The following ACYP2 variants were observed in gnomAD, a reference collection of about 807,000 sequenced individuals.
ACYP2 encodes the protein acylphosphatase-2.
A neutral mutation model predicts 11.2 loss-of-function variants in ACYP2; 12 were observed. The ratio of observed to expected loss-of-function variants is 1.08; its 90% CI spans 0.69 to 1.74. The LOEUF (loss-of-function observed/expected upper bound fraction) is 1.74. ACYP2 is among the 40% of genes most tolerant of loss of function. The pLI is 0.00. For missense variants in ACYP2, 134 were observed against 101.9 expected (o/e 1.31, Z -1.35); for synonymous variants, 43 against 32.2 (o/e 1.33, Z -1.13).
At chr2:54,274,991 G>A (rs1688485087) in intron 6 of ACYP2, among the ~76,000 whole-genome samples, 1 of 152,184 alleles carries the variant, frequency 6.6e-6, no homozygotes, top group Non-Finnish European at 1.5e-5. Flanking sequence ...AGTTCAACCT[G>A]AGATGGTCCT....
At chr2:54,065,139 G>T (rs1217795659) in intron 4 of ACYP2, among the ~76,000 whole-genome samples, 4 of 151,890 alleles carry the variant, frequency 2.6e-5, no homozygotes, top group Non-Finnish European at 5.9e-5. Flanking sequence ...AGGGACCAAG[G>T]GATAGATGAT....
At chr2:54,223,579 G>T (rs1384555941) in intron 6 of ACYP2, among the ~76,000 whole-genome samples, 1 of 152,126 alleles carries the variant, frequency 6.6e-6, no homozygotes, top group Non-Finnish European at 1.5e-5. Context: ...CTACAACACT[G>T]TGTTGGAAAT....
chr2:54,230,988 G>A (rs1458243895), intron 6 of ACYP2, among the ~76,000 whole-genome samples: 1 of 151,084 alleles, frequency 6.6e-6, no homozygotes, highest in African/African-American at 2.4e-5. Context: ...CTGCCACCAC[G>A]CCCAGCTAAT....
intron 3 of ACYP2, chr2:54,051,301 GC>G: frequency 3.9e-6 from 3 of 768,070 alleles, no homozygotes; most frequent in Non-Finnish European, 7.1e-6. Flanking sequence ...AGAAGCAGCA[GC>G]CAGATGCTTC....
chr2:54,096,295 C>G (rs1474478909), intron 4 of ACYP2, among the ~76,000 whole-genome samples: 1 of 140,604 alleles, frequency 7.1e-6, no homozygotes, highest in Admixed American at 7.0e-5. Context: ...CAGAGACGCT[C>G]CTCACTTCCT....
At chr2:54,188,637 C>T (rs1465287398) in intron 6 of ACYP2, among the ~76,000 whole-genome samples, 1 of 152,120 alleles carries the variant, frequency 6.6e-6, no homozygotes, top group African/African-American at 2.4e-5. Flanking sequence ...ACATACATTT[C>T]TTCTTATAAT....
At chr2:54,153,722 C>A (rs1347336176) in intron 6 of ACYP2, among the ~76,000 whole-genome samples, 10 of 151,524 alleles carry the variant, frequency 6.6e-5, no homozygotes, top group African/African-American at 2.4e-4. Flanking sequence ...GCCTCAGCCT[C>A]TCGAGTGCCT....
rs185715786 is a variant in ACYP2, at chr2:54,096,711, C to A, written c.278-38742C>A. 2.9e-3 allele frequency among the ~76,000 whole-genome samples: 440 copies of A among 152,302 alleles called. 1 individual carries two copies. The highest frequency in any genetic ancestry group is 0.014 in the Middle Eastern group (4 of 294). On this transcript the variant is annotated intron_variant, in intron 4 of 6. Transcript: ENST00000607452. The stretch of plus-strand genomic sequence containing the variant: ...AGTCAGGTGTGGCGGCGCGCGCCTG[C>A]AATCACAGGCACTCGGCAGGCTGAG...
intron 3 of ACYP2, chr2:54,051,872 C>G: frequency 3.7e-6 from 1 of 267,116 alleles, no homozygotes; most frequent in South Asian, 4.0e-5. Context: ...TGGCAAAACC[C>G]TGCCTTTACT....
intron 6 of ACYP2, among the ~76,000 whole-genome samples, chr2:54,245,243 T>C (rs901114696): frequency 2.0e-5 from 3 of 152,224 alleles, no homozygotes; most frequent in Non-Finnish European, 2.9e-5. Flanking sequence ...TTGTGTTCCA[T>C]TGGGTATATA....
chr2:54,196,550 T>C (rs1264153929), intron 6 of ACYP2, among the ~76,000 whole-genome samples: 1 of 152,234 alleles, frequency 6.6e-6, no homozygotes, highest in African/African-American at 2.4e-5. Context: ...TAAATAAATA[T>C]TTATTAAGCT....
At chr2:54,065,763 T>G in intron 4 of ACYP2, 1 of 357,048 alleles carries the variant, frequency 2.8e-6, no homozygotes, top group East Asian at 4.1e-5. Flanking sequence ...ACTCTACATT[T>G]TGCTTTCTAT....
At chr2:54,224,020 C>T (rs1685902983) in intron 6 of ACYP2, among the ~76,000 whole-genome samples, 1 of 152,114 alleles carries the variant, frequency 6.6e-6, no homozygotes. Context: ...AATGGGGTGT[C>T]TCAAGATTCT....
intron 6 of ACYP2, among the ~76,000 whole-genome samples, chr2:54,211,316 A>G (rs940093669): frequency 3.3e-5 from 5 of 152,236 alleles, no homozygotes; most frequent in South Asian, 2.1e-4. Flanking sequence ...CCAAATTTCT[A>G]TGCATTTAAA....
At chr2:53,976,642 A>G (rs1212355005) in intron 2 of ACYP2, among the ~76,000 whole-genome samples, 1 of 152,070 alleles carries the variant, frequency 6.6e-6, no homozygotes, top group Non-Finnish European at 1.5e-5. Flanking sequence ...GAGGAAAAAA[A>G]GAATATTAGA....
intron 2 of ACYP2, among the ~76,000 whole-genome samples, chr2:53,984,161 T>A (rs1321653001): frequency 6.6e-6 from 1 of 152,054 alleles, no homozygotes; most frequent in East Asian, 1.9e-4. Flanking sequence ...TAGAGGTAAA[T>A]GATGAAGGCT....
chr2:54,278,894 T>A (rs1688728670), intron 6 of ACYP2, among the ~76,000 whole-genome samples: 1 of 152,232 alleles, frequency 6.6e-6, no homozygotes, highest in Admixed American at 6.5e-5. Context: ...GCTGAGGTTG[T>A]GTTCTCAGAA....
At chr2:54,091,405 C>G (rs1678219063) in intron 4 of ACYP2, among the ~76,000 whole-genome samples, 1 of 152,040 alleles carries the variant, frequency 6.6e-6, no homozygotes, top group Admixed American at 6.6e-5. Flanking sequence ...AACAAAAGGG[C>G]TATTTTTTTC....
At chr2:54,283,743 G>A (rs926022449) in intron 6 of ACYP2, among the ~76,000 whole-genome samples, 1 of 152,214 alleles carries the variant, frequency 6.6e-6, no homozygotes, top group Admixed American at 6.5e-5. Context: ...ATACAACGGA[G>A]TCTACCCATA....
Sources: gnomAD v4.1 joint callset for allele counts (sites outside exome capture counted in the v4.1 genomes callset) on GRCh38, gnomAD v4.1.1 for gene constraint, MANE v1.5 for transcripts, NCBI Gene and HGNC (gene_info 2026-07-23, HGNC 2026-07-21) for gene names.